The following EEF2 variants were observed in gnomAD, a reference collection of about 807,000 sequenced individuals.
The protein encoded by EEF2 is elongation factor 2.
Under a neutral mutation model 85.3 loss-of-function variants are expected in EEF2, and 21 were observed. That is an observed-to-expected ratio of 0.25 (90% CI 0.17 to 0.35). The LOEUF (loss-of-function observed/expected upper bound fraction) is 0.35. Ranked by LOEUF, EEF2 falls within the 10% of genes least tolerant of loss-of-function variation. The pLI, the probability that EEF2 is intolerant of heterozygous loss-of-function variation, is 1.00. For synonymous variants in EEF2, 723 were observed against 508.8 expected (o/e 1.42, Z -5.67); for missense variants, 825 against 1,225.3 (o/e 0.67, Z 4.88).
Position 3,976,837 on chromosome 19 carries a change from G to A in EEF2, c.2384-90C>T, listed in dbSNP as rs76496984. On this transcript the variant is annotated intron_variant, in intron 14 of 14. Coordinates refer to ENST00000309311, the MANE Select transcript of EEF2 (RefSeq NM_001961.4). The stretch of plus-strand genomic sequence containing the variant: ...GTCAGGAGCTCAGGCTAGTTCCTCA[G>A]CCTGAGTCACCCTGCAGACCAGACA... 7.7e-4 allele frequency: 1,047 copies of A among 1,368,200 alleles called. 13 individuals are homozygous for A. The East Asian group carries it at 0.016, about 20-fold the overall frequency. 84.8% of individuals were successfully genotyped at this position (1,368,200 alleles called of 1,614,324 possible). A position where few individuals can be genotyped will look rare whatever the true frequency, so the allele number is the denominator to read the frequency against.
intron 5 of EEF2, 90 bp from the exon 6 acceptor site, chr19:3,982,142 A>T: frequency 6.3e-7 from 1 of 1,596,460 alleles, no homozygotes; most frequent in South Asian, 1.1e-5. Flanking sequence ...CTTGGGCAAG[A>T]CCTGGTGGGC....
chr19:3,982,162 G>A lies in EEF2; in HGVS notation c.791+84C>T, dbSNP rs74465123. On this transcript the variant is annotated intron_variant, in intron 5 of 14. Coordinates refer to ENST00000309311, the MANE Select transcript of EEF2 (RefSeq NM_001961.4). ...GCAAGACCTGGTGGGCTTGAGCCACGCTGTGAATAGCACACCACGCCCCTA... is the reference window on the plus strand; with the variant it reads ...GCAAGACCTGGTGGGCTTGAGCCACACTGTGAATAGCACACCACGCCCCTA... 39 of 1,597,132 alleles carry A rather than the reference G, an allele frequency of 2.4e-5. No individual in the cohort carries two copies. The East Asian group carries it at 2.9e-4, about 12-fold the overall frequency.
chr19:3,977,474 G>A lies in EEF2; in HGVS notation c.2204C>T (p.Thr735Ile), dbSNP rs1211372039. 1 of 1,585,126 alleles carries A rather than the reference G, an allele frequency of 6.3e-7. No homozygotes were observed. The highest frequency in any genetic ancestry group is 1.1e-5 in the South Asian group (1 of 88,336). The change falls in exon 13 of 15, where the codon ACC becomes ATC. Residue 735 changes from threonine (T) to isoleucine (I), a missense_variant. Physicochemically the swap from Thr to Ile is moderately conservative, Grantham distance 89. Coordinates refer to ENST00000309311, the MANE Select transcript of EEF2 (RefSeq NM_001961.4). The surrounding 1 kb of genome is among the most constrained non-coding windows in gnomAD (Gnocchi z 5.4). ...ARRCLYASVL[T>I]AQPRLMEPIY... is the part of the protein sequence containing the mutation. ...GGGCTCCATGAGGCGTGGCTGGGCG[G>A]TCAGCACACTGGCATAGAGGCAGCG...
At position 3,982,429 on chromosome 19, in the gene EEF2, A is replaced by G; in HGVS notation, c.613-5T>C. 1 of 1,614,024 alleles carries G rather than the reference A, an allele frequency of 6.2e-7. No individual in the cohort carries two copies. ...GGTACCGAGGACAGGATCGATCTGGAAGTGTGAGAAACGAGAAGCAGCCGT... is the reference window on the plus strand; with the variant it reads ...GGTACCGAGGACAGGATCGATCTGGGAGTGTGAGAAACGAGAAGCAGCCGT... On this transcript the variant is annotated splice_region_variant and splice_polypyrimidine_tract_variant and intron_variant, in intron 4 of 14. Transcript: ENST00000309311.
intron 9 of EEF2, among the ~76,000 whole-genome samples, chr19:3,980,307 G>C (rs1157150614): frequency 6.6e-6 from 1 of 152,246 alleles, no homozygotes; most frequent in Non-Finnish European, 1.5e-5. Flanking sequence ...GGACACAGAT[G>C]AGCAGGGGTG....
chr19:3,980,131 G>A (rs1231036982), intron 9 of EEF2, 65 bp from the exon 10 acceptor site: 11 of 1,560,878 alleles, frequency 7.0e-6, no homozygotes, highest in Middle Eastern at 3.6e-4. Context: ...GAGGGCCAGG[G>A]CAGGTCCCTC....
At chr19:3,983,067 G>A in intron 3 of EEF2, 43 bp downstream of exon 3, 1 of 1,611,272 alleles carries the variant, frequency 6.2e-7, no homozygotes. Flanking sequence ...AGCAAGGATG[G>A]CCCCCGGTTC....
At chr19:3,985,091 TTACTACGCCTGCCAC>T (rs1192195004) in intron 1 of EEF2, 1 of 379,808 alleles carries the variant, frequency 2.6e-6, no homozygotes, top group East Asian at 3.8e-5. Flanking sequence ...GTGCCCGCCA[TTACTACGCCTGCCAC>T]ATCATCATTC....
intron 11 of EEF2, among the ~76,000 whole-genome samples, chr19:3,978,856 T>C (rs954168117): frequency 1.0e-4 from 13 of 125,824 alleles, no homozygotes; most frequent in Non-Finnish European, 4.8e-5. Flanking sequence ...GCATGGTGGC[T>C]CACACCTGTA....
intron 2 of EEF2, 50 bp from the exon 3 acceptor site, chr19:3,983,341 C>T: frequency 1.3e-6 from 2 of 1,578,362 alleles, no homozygotes; most frequent in East Asian, 4.5e-5. Flanking sequence ...ACACCTGGCC[C>T]AGGGAGTCTG....
Position 3,979,315 on chromosome 19 carries a change from C to CACTG in EEF2, c.1713+10_1713+13dup. ...GGGGTGGGGCGTGGGGAAGGCTGGTCACTGGCGCCTCACCTTGATGGGGAT... is the reference window on the plus strand; with the variant it reads ...GGGGTGGGGCGTGGGGAAGGCTGGTCACTGACTGGCGCCTCACCTTGATGGGGAT... On this transcript the variant is annotated intron_variant, in intron 11 of 14. Coordinates refer to ENST00000309311, the MANE Select transcript of EEF2 (RefSeq NM_001961.4). 6.2e-7 allele frequency: 1 copy of CACTG among 1,609,474 alleles called. No homozygotes were observed. The highest frequency in any genetic ancestry group is 8.5e-7 in the Non-Finnish European group (1 of 1,176,074).
chr19:3,981,873 G>C, intron 6 of EEF2, 74 bp downstream of exon 6: 1 of 1,404,828 alleles, frequency 7.1e-7, no homozygotes, highest in Non-Finnish European at 1.0e-6. Flanking sequence ...CAGCCGACAG[G>C]CTACCGGCCG....
chr19:3,981,816 G>T (rs1020878277), intron 6 of EEF2, 131 bp downstream of exon 6: 2 of 814,822 alleles, frequency 2.5e-6, no homozygotes, highest in African/African-American at 1.7e-5. Flanking sequence ...GTTAGGAGCT[G>T]TGCCTCCTCC....
At chr19:3,982,542 C>T (rs376230010) in intron 4 of EEF2, 118 bp from the exon 5 acceptor site, 17 of 1,343,902 alleles carry the variant, frequency 1.3e-5, no homozygotes, top group Non-Finnish European at 1.5e-5. Flanking sequence ...GACATCTGGT[C>T]AAAGTGAAGA....
chr19:3,978,174 T>C lies in EEF2; in HGVS notation c.1714-2A>G. ...GTACGAGACGACCGGGTCAGATTTC[T>C]GCAAAAAGAGGTTAAGTCCCACTCT... On this transcript the variant is annotated splice_acceptor_variant, in intron 11 of 14. Transcript: ENST00000309311. LOFTEE classifies it high-confidence loss of function. The C allele has an allele frequency of 6.9e-7, 1 of 1,441,748 alleles. No individual in the cohort carries two copies. The allele number at this position is 1,441,748 out of a possible 1,614,324, so 89.3% of individuals were successfully genotyped here. A position where few individuals can be genotyped will look rare whatever the true frequency, so the allele number is the denominator to read the frequency against.
At position 3,977,819 on chromosome 19, in the gene EEF2, C is replaced by T; in HGVS notation, c.2067G>A (p.Glu689=). The T allele has an allele frequency of 6.3e-7, 1 of 1,580,624 alleles. No homozygotes were observed. The highest frequency in any genetic ancestry group is 1.3e-5 in the African/African-American group (1 of 74,560). The change falls in exon 12 of 15, where the codon GAG becomes GAA. Residue 689 remains glutamate (E), a splice_region_variant and synonymous_variant. Transcript: ENST00000309311. The surrounding 1 kb of genome is among the most constrained non-coding windows in gnomAD (Gnocchi z 5.4). ...VVAGFQWATK[E]GALCEENMRG... ...CTGCACATGCTGAGCCGTGCCTCAC[C>T]TCCTTGGTGGCCCACTGGAAGCCGG...
In EEF2 at chr19:3,985,128, C is replaced by A. The variant is rs2039803701; in HGVS notation, c.3+250G>T. ...CCACATCATCATTCCCCACCCCCAT[C>A]CCCGCTAACAACCCAGCTCCAACCA... On this transcript the variant is annotated intron_variant, in intron 1 of 14. Transcript: ENST00000309311. The A allele has an allele frequency of 6.7e-5, 27 of 403,328 alleles. No individual in the cohort carries two copies. The East Asian group carries it at 9.8e-4, about 15-fold the overall frequency. The allele number at this position is 403,328 out of a possible 1,614,324, so 25.0% of individuals were successfully genotyped here.
At chr19:3,980,357 T>C (rs1229637542) in intron 9 of EEF2, among the ~76,000 whole-genome samples, 157 bp downstream of exon 9, 2 of 152,228 alleles carry the variant, frequency 1.3e-5, no homozygotes, top group Non-Finnish European at 2.9e-5. Flanking sequence ...AGAAATGCCC[T>C]CACTGGGCTA....
At chr19:3,979,541 A>T in intron 10 of EEF2, 105 bp from the exon 11 acceptor site, 1 of 1,090,310 alleles carries the variant, frequency 9.2e-7, no homozygotes, top group Non-Finnish European at 1.3e-6. Context: ...ACAAGATTTC[A>T]GGGAAGGTGC....
Sources: gnomAD v4.1 joint callset for allele counts (sites outside exome capture counted in the v4.1 genomes callset) on GRCh38, gnomAD v4.1.1 for gene constraint, Gnocchi (gnomAD v3.1) non-coding constraint, MANE v1.5 for transcripts, NCBI Gene and HGNC (gene_info 2026-07-23, HGNC 2026-07-21) for gene names.